Variants in EAPP observed in about 807,000 individuals in gnomAD.
The protein encoded by EAPP is E2F-associated phosphoprotein.
EAPP carries 38 observed loss-of-function variants against 34.3 expected under a neutral mutation model. The ratio of observed to expected loss-of-function variants is 1.11; its 90% CI spans 0.85 to 1.45. The LOEUF (loss-of-function observed/expected upper bound fraction) is 1.45. Ranked by LOEUF, EAPP falls within the 40% of genes most tolerant of loss-of-function variation. The probability of loss-of-function intolerance (pLI) is 0.00; values close to 1 mark genes in which losing one functional copy is unlikely to be tolerated. For synonymous variants in EAPP, 113 were observed against 117.6 expected (o/e 0.96, Z 0.25); for missense variants, 338 against 343.7 (o/e 0.98, Z 0.13).
chr14:34,519,932 T>C (rs1297132318), intron 5 of EAPP, among the ~76,000 whole-genome samples: 4 of 151,310 alleles, frequency 2.6e-5, no homozygotes, highest in Non-Finnish European at 4.4e-5. Flanking sequence ...TTGCCCAGGC[T>C]GAAGTGCAGT....
rs1340611135 is a variant in EAPP, at chr14:34,516,277, C to A, written c.*33G>T. On this transcript the variant is annotated 3_prime_UTR_variant, in exon 6 of 6. Transcript: ENST00000250454. ...TAACTGTCCATATTTGCCTTATATA[C>A]AGTATTGGGTAATTAAATGCCAGTT... The A allele has an allele frequency of 4.5e-6, 7 of 1,570,664 alleles. No homozygotes were observed. Among genetic ancestry groups the A allele is most frequent in the Non-Finnish European group, 6.0e-6 (7 of 1,158,700 alleles).
intron 5 of EAPP, among the ~76,000 whole-genome samples, chr14:34,519,941 G>A (rs1879862555): frequency 6.7e-6 from 1 of 149,118 alleles, no homozygotes; most frequent in African/African-American, 2.5e-5. Context: ...CTGAAGTGCA[G>A]TGGCGCAATC....
intron 2 of EAPP, among the ~76,000 whole-genome samples, chr14:34,534,986 G>A (rs749853900): frequency 2.6e-5 from 4 of 151,718 alleles, no homozygotes; most frequent in Non-Finnish European, 4.4e-5. Flanking sequence ...CTGCAGGCAC[G>A]TGCCACCAAG....
intron 1 of EAPP, 145 bp downstream of exon 1, chr14:34,539,410 G>T: frequency 1.2e-6 from 1 of 863,768 alleles, no homozygotes; most frequent in Non-Finnish European, 1.9e-6. Context: ...CATCAGGAAA[G>T]CCCTTTGGCT....
chr14:34,533,424 C>T lies in EAPP; in HGVS notation c.352+20G>A. 1 of 1,559,460 alleles carries T rather than the reference C, an allele frequency of 6.4e-7. No individual in the cohort carries two copies. The highest frequency in any genetic ancestry group is 8.8e-7 in the Non-Finnish European group (1 of 1,130,896). On this transcript the variant is annotated intron_variant, in intron 3 of 5. Transcript: ENST00000250454. ...TTTTTATAAAATATAACTGCTAAACCTGGTAAATAGGTTACTTACCTGCTC... is the reference window on the plus strand; with the variant it reads ...TTTTTATAAAATATAACTGCTAAACTTGGTAAATAGGTTACTTACCTGCTC...
chr14:34,534,638 A>C (rs946204596), intron 2 of EAPP, among the ~76,000 whole-genome samples: 6 of 152,086 alleles, frequency 3.9e-5, no homozygotes, highest in Admixed American at 3.9e-4. Flanking sequence ...CTCGAGTAAA[A>C]ACTGCAAAAT....
At chr14:34,537,408 T>A (rs1468847727) in intron 1 of EAPP, among the ~76,000 whole-genome samples, 1 of 152,232 alleles carries the variant, frequency 6.6e-6, no homozygotes, top group Non-Finnish European at 1.5e-5. Context: ...CTATTTTTTC[T>A]ACAAATTTTC....
At position 34,536,268 on chromosome 14, in the gene EAPP, C is replaced by T. The variant is rs546267694; in HGVS notation, c.82G>A (p.Asp28Asn). 38 of 1,604,334 alleles carry T rather than the reference C, an allele frequency of 2.4e-5. No homozygotes were observed. Among genetic ancestry groups the T allele is most frequent in the Non-Finnish European group, 3.1e-5 (37 of 1,177,038 alleles). The change falls in exon 2 of 6, where the codon GAT (aspartate) becomes AAT (asparagine). Residue 28 changes from aspartate to asparagine, a missense_variant. Physicochemically the swap from Asp to Asn is conservative, Grantham distance 23 (BLOSUM62 1). Transcript: ENST00000250454. ...CCATGTAAAAGCACATCCACTTCAT[C>T]CTCAGAGCTAGCATACATTTAAATC... is the stretch of plus-strand genomic sequence containing the variant. ...DEEPALSSSE[D>N]EVDVLLHGTP...
At chr14:34,529,844 CCTCT>C (rs1213945928) in intron 3 of EAPP, among the ~76,000 whole-genome samples, 1 of 152,006 alleles carries the variant, frequency 6.6e-6, no homozygotes, top group Non-Finnish European at 1.5e-5. Flanking sequence ...GGTGAAACCG[CCTCT>C]CTACTAAAAA....
intron 4 of EAPP, among the ~76,000 whole-genome samples, chr14:34,526,284 C>G (rs1357642146): frequency 6.6e-6 from 1 of 151,490 alleles, no homozygotes; most frequent in Non-Finnish European, 1.5e-5. Context: ...CAAAAATTAG[C>G]TAGGCATGGT....
intron 4 of EAPP, among the ~76,000 whole-genome samples, chr14:34,527,103 G>A (rs1880120946): frequency 6.7e-6 from 1 of 150,150 alleles, no homozygotes; most frequent in African/African-American, 2.5e-5. Flanking sequence ...CTGGGAGGAG[G>A]AGGTTGCGGT....
intron 3 of EAPP, among the ~76,000 whole-genome samples, 164 bp downstream of exon 3, chr14:34,533,280 C>T (rs1880355452): frequency 6.6e-6 from 1 of 152,124 alleles, no homozygotes; most frequent in African/African-American, 2.4e-5. Flanking sequence ...GGTGATCTGC[C>T]TGCATCAGCC....
intron 1 of EAPP, chr14:34,539,236 AT>A: frequency 3.7e-6 from 2 of 541,096 alleles, no homozygotes; most frequent in Non-Finnish European, 6.9e-6. Flanking sequence ...CAGGTGAGTA[AT>A]CGAGGATAAC....
At chr14:34,531,220 G>A (rs1314167090) in intron 3 of EAPP, among the ~76,000 whole-genome samples, 3 of 152,082 alleles carry the variant, frequency 2.0e-5, no homozygotes, top group South Asian at 2.1e-4. Context: ...CACCAGAATC[G>A]CTTGAACCCA....
chr14:34,523,561 C>A (rs539913357), intron 5 of EAPP, among the ~76,000 whole-genome samples: 7 of 120,160 alleles, frequency 5.8e-5, no homozygotes, highest in Admixed American at 4.3e-4. Flanking sequence ...AGATGGGGAT[C>A]TCACCTTTGT....
intron 4 of EAPP, among the ~76,000 whole-genome samples, chr14:34,525,347 TG>T (rs2138891639): frequency 6.6e-6 from 1 of 152,260 alleles, no homozygotes; most frequent in South Asian, 2.1e-4. Flanking sequence ...AAGTTAACAC[TG>T]GTCAGCAAGG....
At chr14:34,535,135 CT>C (rs35642543) in intron 2 of EAPP, among the ~76,000 whole-genome samples, 64 of 138,786 alleles carry the variant, frequency 4.6e-4, no homozygotes, top group African/African-American at 6.2e-4. Flanking sequence ...CACGCCTGGC[CT>C]TTTTTTTTTT....
intron 4 of EAPP, among the ~76,000 whole-genome samples, chr14:34,528,570 C>T (rs952426683): frequency 1.3e-5 from 2 of 150,828 alleles, no homozygotes; most frequent in Non-Finnish European, 3.0e-5. Context: ...TACAGGTGTG[C>T]GCCACTATGG....
chr14:34,524,661 G>C (rs1329620086), intron 5 of EAPP, 36 bp downstream of exon 5: 1 of 972,716 alleles, frequency 1.0e-6, no homozygotes, highest in Admixed American at 1.7e-5. Context: ...ATATGTATGT[G>C]TGTGTGTGTG....
Sources: allele counts gnomAD v4.1 joint callset (sites outside exome capture counted in the v4.1 genomes callset), GRCh38; gene constraint gnomAD v4.1.1; transcripts MANE v1.5; gene names NCBI Gene and HGNC (gene_info 2026-07-23, HGNC 2026-07-21).